Variants in HECW1 observed in about 807,000 individuals in gnomAD.
HECW1 encodes the protein HECT, C2 and WW domain containing E3 ubiquitin protein ligase 1.
HECW1 carries 61 observed loss-of-function variants against 182.3 expected under a neutral mutation model. The ratio of observed to expected loss-of-function variants is 0.33; its 90% CI spans 0.27 to 0.41. The LOEUF (loss-of-function observed/expected upper bound fraction) is 0.41. Ranked by LOEUF, HECW1 falls within the 10% of genes least tolerant of loss-of-function variation. The pLI, the probability that HECW1 is intolerant of heterozygous loss-of-function variation, is 1.00. For synonymous variants in HECW1, 859 were observed against 832.6 expected, an observed-to-expected ratio of 1.03 and a Z score of -0.55; for missense variants, 1,739 against 2,108.9, an observed-to-expected ratio of 0.82 and a Z score of 3.44.
At chr7:43,127,523 CAA>C (rs71562078) in intron 2 of HECW1, among the ~76,000 whole-genome samples, 11 of 57,284 alleles carry the variant, frequency 1.9e-4, no homozygotes, top group African/African-American at 4.8e-4. Flanking sequence ...AACTCCATCT[CAA>C]AAAAAAAAAA....
intron 2 of HECW1, among the ~76,000 whole-genome samples, chr7:43,177,824 C>T (rs931272546): frequency 6.6e-6 from 1 of 152,184 alleles, no homozygotes; most frequent in Non-Finnish European, 1.5e-5. Flanking sequence ...AAATCCCAAA[C>T]CTATCCATCT....
intron 2 of HECW1, among the ~76,000 whole-genome samples, chr7:43,157,720 C>G (rs534794863): frequency 4.6e-5 from 7 of 152,166 alleles, no homozygotes; most frequent in Non-Finnish European, 7.4e-5. Context: ...GCCACCAAAC[C>G]TGGCTAATTT....
At chr7:43,443,023 G>T (rs984677941) in intron 10 of HECW1, among the ~76,000 whole-genome samples, 3 of 152,358 alleles carry the variant, frequency 2.0e-5, no homozygotes, top group African/African-American at 7.2e-5. Flanking sequence ...GCCAGTTGCT[G>T]AAGAATGTCA....
intron 6 of HECW1, among the ~76,000 whole-genome samples, chr7:43,385,790 T>C (rs1038554166): frequency 2.0e-5 from 3 of 152,190 alleles, no homozygotes; most frequent in Non-Finnish European, 4.4e-5. Flanking sequence ...TTGAAGAAGG[T>C]TGTATTCATT....
intron 2 of HECW1, among the ~76,000 whole-genome samples, chr7:43,152,613 ATC>A (rs914719958): frequency 4.6e-5 from 7 of 151,802 alleles, no homozygotes; most frequent in Non-Finnish European, 8.8e-5. Context: ...GTTCCTTAAT[ATC>A]TCTGTTTCTT....
intron 17 of HECW1, among the ~76,000 whole-genome samples, chr7:43,482,314 G>A (rs911390742): frequency 6.6e-6 from 1 of 152,212 alleles, no homozygotes; most frequent in Non-Finnish European, 1.5e-5. Flanking sequence ...AGGAGACAGA[G>A]GGACTCTGGT....
intron 3 of HECW1, among the ~76,000 whole-genome samples, chr7:43,266,761 G>A (rs1218197033): frequency 1.3e-5 from 2 of 150,984 alleles, no homozygotes; most frequent in South Asian, 4.2e-4. Flanking sequence ...CCTAACAACA[G>A]AAAAATTCTC....
intron 3 of HECW1, among the ~76,000 whole-genome samples, chr7:43,294,826 C>T (rs571459840): frequency 6.6e-6 from 1 of 152,158 alleles, no homozygotes; most frequent in African/African-American, 2.4e-5. Context: ...AAGGATGCAC[C>T]TGTGACGCAG....
intron 3 of HECW1, among the ~76,000 whole-genome samples, chr7:43,304,479 T>TTTAA (rs1807286569): frequency 1.3e-5 from 2 of 150,796 alleles, no homozygotes; most frequent in South Asian, 4.2e-4. Context: ...TATTTATTTA[T>TTTAA]TTATTTATTT....
chr7:43,356,492 C>A (rs1288204463), intron 5 of HECW1, among the ~76,000 whole-genome samples: 1 of 152,142 alleles, frequency 6.6e-6, no homozygotes, highest in South Asian at 2.1e-4. Flanking sequence ...TCCATAATGG[C>A]CATATCATTC....
At chr7:43,141,181 A>G (rs1019160111) in intron 2 of HECW1, among the ~76,000 whole-genome samples, 1 of 152,148 alleles carries the variant, frequency 6.6e-6, no homozygotes, top group African/African-American at 2.4e-5. Context: ...CCCACTCCTG[A>G]CTGAAAGCTG....
chr7:43,176,076 A>G (rs149994835), intron 2 of HECW1, among the ~76,000 whole-genome samples: 62 of 152,300 alleles, frequency 4.1e-4, no homozygotes, highest in African/African-American at 1.4e-3. Context: ...GAGGAGGAAA[A>G]ATGGATTTCC....
chr7:43,338,660 G>A (rs1235319813), intron 5 of HECW1, among the ~76,000 whole-genome samples: 1 of 152,142 alleles, frequency 6.6e-6, no homozygotes, highest in East Asian at 1.9e-4. Context: ...ACACAGAAAA[G>A]TGCACAAATT....
chr7:43,175,185 CAT>C (rs931943470), intron 2 of HECW1, among the ~76,000 whole-genome samples: 1 of 151,208 alleles, frequency 6.6e-6, no homozygotes, highest in African/African-American at 2.5e-5. Context: ...TACACATACA[CAT>C]ACACACACAC....
intron 6 of HECW1, among the ~76,000 whole-genome samples, chr7:43,391,732 GAC>G (rs2075037790): frequency 6.6e-6 from 1 of 152,200 alleles, no homozygotes; most frequent in Non-Finnish European, 1.5e-5. Context: ...CAGTTAGAAT[GAC>G]AGTCATATAA....
At chr7:43,521,442 A>T (rs1341923129) in intron 24 of HECW1, among the ~76,000 whole-genome samples, 1 of 152,264 alleles carries the variant, frequency 6.6e-6, no homozygotes, top group Non-Finnish European at 1.5e-5. Context: ...AAATTTTTGC[A>T]GGATTAAAAG....
At chr7:43,158,705 G>T (rs1167846902) in intron 2 of HECW1, among the ~76,000 whole-genome samples, 3 of 152,066 alleles carry the variant, frequency 2.0e-5, no homozygotes. Context: ...TGCTCCATCA[G>T]GCAGTCATTC....
At position 43,320,192 on chromosome 7, in the gene HECW1, A is replaced by T. The variant is rs376456782; in HGVS notation, c.353-443A>T. Among the ~76,000 whole-genome samples the T allele has an allele frequency of 3.9e-5, 6 of 152,298 alleles. No individual in the cohort carries two copies. The South Asian group carries it at 1.0e-3, about 26-fold the overall frequency. Reference sequence around the variant, plus strand: ...TGATGCCCAGGTGGGAGGAGAGATGATTCGAAGTGGAGTCCGTGAGAACTA... The same window carrying T: ...TGATGCCCAGGTGGGAGGAGAGATGTTTCGAAGTGGAGTCCGTGAGAACTA... On this transcript the variant is annotated intron_variant, in intron 4 of 29. Coordinates refer to ENST00000395891, the MANE Select transcript of HECW1 (RefSeq NM_015052.5).
chr7:43,539,725 C>T (rs1265237608), intron 24 of HECW1, among the ~76,000 whole-genome samples: 1 of 152,228 alleles, frequency 6.6e-6, no homozygotes, highest in African/African-American at 2.4e-5. Context: ...TGGTTTGGAT[C>T]ATCTCGGTCA....
Sources: allele counts gnomAD v4.1 joint callset (sites outside exome capture counted in the v4.1 genomes callset), GRCh38; gene constraint gnomAD v4.1.1; transcripts MANE v1.5; gene names NCBI Gene and HGNC (gene_info 2026-07-23, HGNC 2026-07-21).